Variants in FNIP2 observed in about 807,000 individuals in gnomAD.
FNIP2 encodes folliculin-interacting protein 2.
A neutral mutation model predicts 108.7 loss-of-function variants in FNIP2; 32 were observed. The observed-to-expected ratio is 0.29, with a 90% CI of 0.22 to 0.40. FNIP2 has a LOEUF of 0.40. FNIP2 is among the 10% of genes least tolerant of loss of function. The pLI, the probability that FNIP2 is intolerant of heterozygous loss-of-function variation, is 1.00. For missense variants in FNIP2, 1,202 were observed against 1,381.6 expected (o/e 0.87, Z 2.06); for synonymous variants, 480 against 496.7 (o/e 0.97, Z 0.45).
At position 158,831,851 on chromosome 4, in the gene FNIP2, T is replaced by C; in HGVS notation, c.382-10T>C. The stretch of plus-strand genomic sequence containing the variant: ...ATGTACTAACTTTGATTTTGTTTTC[T>C]TGCATGTAGTACACAAGACCAGCTT... On this transcript the variant is annotated splice_polypyrimidine_tract_variant and intron_variant, in intron 3 of 16. Coordinates refer to ENST00000264433, the MANE Select transcript of FNIP2 (RefSeq NM_020840.3). 1 of 1,598,056 alleles carries C rather than the reference T, an allele frequency of 6.3e-7. No homozygotes were observed. The highest frequency in any genetic ancestry group is 8.6e-7 in the Non-Finnish European group (1 of 1,169,010).
chr4:158,884,556 G>C (rs1343221649), intron 14 of FNIP2, among the ~76,000 whole-genome samples: 1 of 152,182 alleles, frequency 6.6e-6, no homozygotes, highest in Non-Finnish European at 1.5e-5. Flanking sequence ...TTGTGGACTT[G>C]AGATGGGGTG....
At chr4:158,774,848 T>A (rs550187736) in intron 1 of FNIP2, among the ~76,000 whole-genome samples, 2 of 152,210 alleles carry the variant, frequency 1.3e-5, no homozygotes, top group Non-Finnish European at 2.9e-5. Context: ...CTGGATTAGA[T>A]GTTTTAAAAG....
chr4:158,889,619 A>G (rs575274791), intron 14 of FNIP2, among the ~76,000 whole-genome samples: 6 of 152,128 alleles, frequency 3.9e-5, no homozygotes, highest in African/African-American at 1.4e-4. Flanking sequence ...GCTAGAATTC[A>G]CTGTGAAAGG....
chr4:158,902,715 C>A lies in FNIP2; in HGVS notation c.3267-1751C>A, dbSNP rs548881978. 2.6e-5 allele frequency among the ~76,000 whole-genome samples: 4 copies of A among 152,338 alleles called. No homozygotes were observed. The South Asian group carries it at 8.3e-4, about 32-fold the overall frequency. ...GAGGAATCTAGAGAGGCAGTCTGGC[C>A]CCAGTGGCCTTGCTGAGAGCTGCAG... On this transcript the variant is annotated intron_variant, in intron 16 of 16. Coordinates refer to ENST00000264433, the MANE Select transcript of FNIP2 (RefSeq NM_020840.3).
chr4:158,839,554 A>G (rs1180999994), intron 7 of FNIP2, among the ~76,000 whole-genome samples: 2 of 151,910 alleles, frequency 1.3e-5, no homozygotes, highest in African/African-American at 4.8e-5. Flanking sequence ...TTTATGTAGA[A>G]ACAAGGCCCC....
rs370481439 is a variant in FNIP2, at chr4:158,887,056, G to A, written c.2950-4390G>A. ...GGAGGCCAAAGTGAGGCTCACCATG[G>A]TTCAGTTGTCAGCGTTGGGGTACAG... On this transcript the variant is annotated intron_variant, in intron 14 of 16. Coordinates refer to ENST00000264433, the MANE Select transcript of FNIP2 (RefSeq NM_020840.3). 3.3e-5 allele frequency among the ~76,000 whole-genome samples: 5 copies of A among 152,240 alleles called. No individual in the cohort carries two copies. In the South Asian group the frequency reaches 6.2e-4, roughly 19 times the overall value.
At chr4:158,798,640 A>T (rs1776666140) in intron 1 of FNIP2, among the ~76,000 whole-genome samples, 1 of 152,262 alleles carries the variant, frequency 6.6e-6, no homozygotes. Flanking sequence ...ATTTGAAAAG[A>T]TGAAGTGAGT....
At chr4:158,879,511 A>T (rs1262960438) in intron 14 of FNIP2, among the ~76,000 whole-genome samples, 1 of 150,374 alleles carries the variant, frequency 6.7e-6, no homozygotes, top group Non-Finnish European at 1.5e-5. Context: ...CCCCTTCAGC[A>T]TATCTCAGAG....
chr4:158,886,617 A>G (rs1031753721), intron 14 of FNIP2, among the ~76,000 whole-genome samples: 1 of 152,250 alleles, frequency 6.6e-6, no homozygotes, highest in Non-Finnish European at 1.5e-5. Flanking sequence ...ATCCATTCTA[A>G]TAGGAGAATT....
intron 1 of FNIP2, among the ~76,000 whole-genome samples, chr4:158,814,441 A>G (rs1777453650): frequency 6.6e-6 from 1 of 152,234 alleles, no homozygotes; most frequent in Admixed American, 6.5e-5. Context: ...CTAAAATATT[A>G]GGCAATTATT....
At position 158,857,693 on chromosome 4, in the gene FNIP2, A is replaced by G. The variant is rs187448592; in HGVS notation, c.858-1364A>G. ...TGCAGTGGCTCACGGCTGTAATCCCAGCACTTTGGGACACTGAGGTGGAAG... is the reference window on the plus strand; with the variant it reads ...TGCAGTGGCTCACGGCTGTAATCCCGGCACTTTGGGACACTGAGGTGGAAG... On this transcript the variant is annotated intron_variant, in intron 8 of 16. Coordinates refer to ENST00000264433, the MANE Select transcript of FNIP2 (RefSeq NM_020840.3). Among the ~76,000 whole-genome samples the G allele has an allele frequency of 2.5e-3, 382 of 152,058 alleles. 3 individuals are homozygous for G. Among genetic ancestry groups the G allele is most frequent in the African/African-American group, 8.7e-3 (362 of 41,466 alleles).
chr4:158,876,252 T>C (rs980450041), intron 14 of FNIP2, among the ~76,000 whole-genome samples: 3 of 152,230 alleles, frequency 2.0e-5, no homozygotes, highest in African/African-American at 7.2e-5. Context: ...CTTTACCCAC[T>C]TCCACCGCCT....
At chr4:158,860,747 C>T (rs1780239329) in intron 10 of FNIP2, among the ~76,000 whole-genome samples, 1 of 150,834 alleles carries the variant, frequency 6.6e-6, no homozygotes, top group Admixed American at 6.6e-5. Flanking sequence ...ACCTTCACCT[C>T]CTGGGTTCAA....
chr4:158,875,515 G>GATATATATATATATATATATAT (rs56389652), intron 14 of FNIP2, among the ~76,000 whole-genome samples: 1,540 of 111,604 alleles, frequency 0.014, 72 homozygotes, highest in African/African-American at 0.027. Flanking sequence ...GCCTGGCTGT[G>GATATATATATATATATATATAT]ATATATATAT....
intron 14 of FNIP2, among the ~76,000 whole-genome samples, chr4:158,887,630 C>A (rs561738721): frequency 6.9e-6 from 1 of 145,712 alleles, no homozygotes; most frequent in African/African-American, 2.6e-5. Context: ...CCCAGCTACC[C>A]GGAGGGTGAG....
At chr4:158,780,212 A>C (rs1218598180) in intron 1 of FNIP2, among the ~76,000 whole-genome samples, 1 of 151,990 alleles carries the variant, frequency 6.6e-6, no homozygotes, top group East Asian at 1.9e-4. Context: ...TGTCTCAGAA[A>C]AAAAAAAAGG....
chr4:158,874,322 T>C (rs868015558), intron 14 of FNIP2, among the ~76,000 whole-genome samples: 1 of 152,086 alleles, frequency 6.6e-6, no homozygotes, highest in Non-Finnish European at 1.5e-5. Flanking sequence ...ATAGGTTTGG[T>C]CTGAAGATTC....
intron 14 of FNIP2, among the ~76,000 whole-genome samples, chr4:158,888,357 T>G (rs910751253): frequency 2.6e-5 from 4 of 152,198 alleles, no homozygotes; most frequent in Non-Finnish European, 4.4e-5. Context: ...ATCCATGCTG[T>G]AAGGAACACA....
At chr4:158,816,766 CAG>C (rs1445209955) in intron 1 of FNIP2, among the ~76,000 whole-genome samples, 29 of 134,606 alleles carry the variant, frequency 2.2e-4, no homozygotes, top group African/African-American at 6.8e-4. Context: ...GCCTGGGAGA[CAG>C]AGTGAGACTC....
Sources: gnomAD v4.1 joint callset for allele counts (sites outside exome capture counted in the v4.1 genomes callset) on GRCh38, gnomAD v4.1.1 for gene constraint, MANE v1.5 for transcripts, NCBI Gene and HGNC (gene_info 2026-07-23, HGNC 2026-07-21) for gene names.